Variants in RIC1 observed in about 807,000 individuals in gnomAD.
The protein encoded by RIC1 is RIC1 partner of RAB6A GEF complex.
Under a neutral mutation model 169.0 loss-of-function variants are expected in RIC1, and 88 were observed. The observed-to-expected ratio is 0.52, with a 90% CI of 0.44 to 0.62. The LOEUF (loss-of-function observed/expected upper bound fraction) is 0.62. Ranked by LOEUF, RIC1 falls within the 20% of genes least tolerant of loss-of-function variation. The pLI is 0.00. For missense variants in RIC1, 1,877 were observed against 1,725.5 expected (o/e 1.09, Z -1.56); for synonymous variants, 790 against 601.5 (o/e 1.31, Z -4.59).
chr9:5,720,691 G>T lies in RIC1; in HGVS notation c.661G>T (p.Val221Leu). 6.2e-7 allele frequency: 1 copy of T among 1,612,354 alleles called. No individual in the cohort carries two copies. ...TGCCACACTTGATGGGTTTGCTGTT[G>T]TATTTAATGATGGTAAAGTTGGATT... Reference protein sequence around the residue: ...YCATLDGFAVVFNDGKVGFIT... With the variant: ...YCATLDGFAVLFNDGKVGFIT... Residue 221 changes from valine to leucine, a missense_variant, in exon 6 of 26, where the codon GTA becomes TTA. Val to Leu is a conservative substitution (Grantham distance 32, BLOSUM62 1). Around this residue, in one of 3 missense-constraint regions of RIC1, gnomAD observed 1,104 missense variants for 992.0 expected, o/e 1.11. Coordinates refer to ENST00000414202, the MANE Select transcript of RIC1 (RefSeq NM_020829.4).
intron 6 of RIC1, among the ~76,000 whole-genome samples, chr9:5,731,556 C>G (rs1190780090): frequency 1.3e-5 from 2 of 152,124 alleles, no homozygotes; most frequent in Non-Finnish European, 2.9e-5. Context: ...TTTCTGCTAA[C>G]TGAACTAATG....
At chr9:5,658,742 T>C (rs1192750641) in intron 2 of RIC1, among the ~76,000 whole-genome samples, 1 of 151,988 alleles carries the variant, frequency 6.6e-6, no homozygotes, top group African/African-American at 2.4e-5. Context: ...TTTTCAGAGA[T>C]GGAAGCAGGA....
intron 22 of RIC1, 87 bp downstream of exon 22, chr9:5,769,343 G>C: frequency 1.2e-6 from 2 of 1,613,192 alleles, no homozygotes; most frequent in Non-Finnish European, 1.7e-6. Context: ...GATATTCAAG[G>C]AATTATTTTC....
At position 5,769,042 on chromosome 9, in the gene RIC1, C is replaced by T. The variant is rs1007335641; in HGVS notation, c.3210C>T (p.Leu1070=). Residue 1070 remains leucine (L), a synonymous_variant, in exon 22 of 26, where the codon CTC becomes CTT. Coordinates refer to ENST00000414202, the MANE Select transcript of RIC1 (RefSeq NM_020829.4). ...DMMLWRHARR[L]LEDVRLKDLG... is the part of the protein sequence containing the mutation. ...TGCTCTGGAGACATGCTCGGCGCCT[C>T]TTAGAAGATGTGAGGTTAAAGGACC... 1.2e-6 allele frequency: 2 copies of T among 1,613,952 alleles called. No homozygotes were observed. Among genetic ancestry groups the T allele is most frequent in the Non-Finnish European group, 1.7e-6 (2 of 1,179,988 alleles).
chr9:5,643,530 T>C (rs188146326), intron 1 of RIC1, among the ~76,000 whole-genome samples: 7 of 152,204 alleles, frequency 4.6e-5, no homozygotes, highest in Non-Finnish European at 7.4e-5. Flanking sequence ...ATGAAAAATA[T>C]GGTTTCCTGC....
intron 1 of RIC1, among the ~76,000 whole-genome samples, chr9:5,643,043 T>G (rs1252492694): frequency 6.6e-6 from 1 of 152,204 alleles, no homozygotes; most frequent in African/African-American, 2.4e-5. Flanking sequence ...CTCACACCTG[T>G]AACCTCAGCA....
At chr9:5,708,270 T>A (rs1822718153) in intron 3 of RIC1, among the ~76,000 whole-genome samples, 1 of 152,120 alleles carries the variant, frequency 6.6e-6, no homozygotes, top group African/African-American at 2.4e-5. Flanking sequence ...TAATTACTGT[T>A]TTATGCACTT....
intron 1 of RIC1, among the ~76,000 whole-genome samples, chr9:5,651,200 A>G (rs1360696079): frequency 6.6e-6 from 1 of 152,120 alleles, no homozygotes; most frequent in Non-Finnish European, 1.5e-5. Flanking sequence ...TTTCCCCCAC[A>G]CTGGAGATCT....
intron 9 of RIC1, 62 bp downstream of exon 9, chr9:5,743,075 AC>A: frequency 6.7e-7 from 1 of 1,490,832 alleles, no homozygotes; most frequent in African/African-American, 1.4e-5. Context: ...ATGCATGCAT[AC>A]AAAAACCTTG....
chr9:5,633,657 G>T (rs187051151), intron 1 of RIC1, among the ~76,000 whole-genome samples: 1 of 152,192 alleles, frequency 6.6e-6, no homozygotes. Context: ...TCTACCCTGT[G>T]AGTTGATAAT....
intron 8 of RIC1, among the ~76,000 whole-genome samples, chr9:5,741,370 G>A (rs1336389089): frequency 6.6e-6 from 1 of 152,112 alleles, no homozygotes; most frequent in East Asian, 1.9e-4. Flanking sequence ...TTACATCTTT[G>A]AACTATTTCT....
intron 2 of RIC1, among the ~76,000 whole-genome samples, chr9:5,669,206 A>G (rs1819953104): frequency 6.6e-6 from 1 of 152,088 alleles, no homozygotes; most frequent in South Asian, 2.1e-4. Flanking sequence ...CTCCCAAGAG[A>G]GGGGAGATTT....
intron 1 of RIC1, among the ~76,000 whole-genome samples, chr9:5,644,914 T>C (rs978947602): frequency 1.3e-5 from 2 of 152,240 alleles, no homozygotes; most frequent in African/African-American, 4.8e-5. Context: ...ACACCCGTTC[T>C]AGAGGGTTTG....
At chr9:5,643,792 A>C in intron 1 of RIC1, among the ~76,000 whole-genome samples, 1 of 152,358 alleles carries the variant, frequency 6.6e-6, no homozygotes, top group East Asian at 1.9e-4. Flanking sequence ...TTTAATCAGA[A>C]AAAATAAAAT....
intron 4 of RIC1, among the ~76,000 whole-genome samples, chr9:5,716,289 C>T (rs1485577662): frequency 6.6e-6 from 1 of 152,090 alleles, no homozygotes; most frequent in Non-Finnish European, 1.5e-5. Context: ...TAAATGTACT[C>T]ATTAACAGTT....
intron 3 of RIC1, among the ~76,000 whole-genome samples, chr9:5,692,670 C>A (rs1821656063): frequency 6.6e-6 from 1 of 151,874 alleles, no homozygotes. Context: ...CCCATTTGTA[C>A]AATGGGAATA....
intron 8 of RIC1, among the ~76,000 whole-genome samples, chr9:5,740,863 A>G (rs34368016): frequency 0.12 from 18,254 of 152,032 alleles, 2,838 homozygotes; most frequent in African/African-American, 0.36. Flanking sequence ...AGTGTTAACC[A>G]TCACAATTAG....
At chr9:5,747,770 G>T (rs1329956723) in intron 12 of RIC1, among the ~76,000 whole-genome samples, 1 of 149,458 alleles carries the variant, frequency 6.7e-6, no homozygotes, top group African/African-American at 2.5e-5. Context: ...TTCTCATTGA[G>T]AACTATTTAT....
At chr9:5,667,332 C>A (rs182613847) in intron 2 of RIC1, among the ~76,000 whole-genome samples, 17 of 152,188 alleles carry the variant, frequency 1.1e-4, no homozygotes, top group Admixed American at 3.9e-4. Context: ...AGGAAAAAAA[C>A]AATTTTTGTT....
Sources: gnomAD v4.1 joint callset for allele counts (sites outside exome capture counted in the v4.1 genomes callset) on GRCh38, gnomAD v4.1.1 for gene constraint, gnomAD v4.1.1 regional missense constraint, MANE v1.5 for transcripts, NCBI Gene and HGNC (gene_info 2026-07-23, HGNC 2026-07-21) for gene names.